KCNS3: variants seen among roughly 807,000 people sequenced by gnomAD.
KCNS3 encodes the protein delayed-rectifier potassium channel regulatory subunit KCNS3.
Under a neutral mutation model 31.0 loss-of-function variants are expected in KCNS3, and 13 were observed. The observed-to-expected ratio is 0.42, with a 90% confidence interval of 0.27 to 0.67. The LOEUF is 0.67. Among genes scored for constraint, KCNS3 ranks in the 30% least tolerant of loss-of-function variants. KCNS3 has a pLI of 0.25. For synonymous variants in KCNS3, 238 were observed against 241.5 expected (o/e 0.99, Z 0.13); for missense variants, 545 against 622.4 (o/e 0.88, Z 1.32).
chr2:17,916,569 C>G (rs905956665), intron 1 of KCNS3, among the ~76,000 whole-genome samples: 5 of 152,212 alleles, frequency 3.3e-5, no homozygotes, highest in African/African-American at 1.2e-4. Flanking sequence ...TACCCCTCTG[C>G]AAAGTCCAGA....
chr2:17,888,629 G>GTATATCTATATCTATA lies in KCNS3; in HGVS notation c.-252+9828_-252+9829insCTATATCTATATATAT, dbSNP rs35102585. Among the ~76,000 whole-genome samples, 88 of 92,358 alleles carry GTATATCTATATCTATA rather than the reference G, an allele frequency of 9.5e-4. 3 individuals carry two copies. Among genetic ancestry groups the GTATATCTATATCTATA allele is most frequent in the East Asian group, 8.6e-3 (16 of 1,854 alleles). 60.6% of individuals were successfully genotyped at this position (92,358 alleles called of 152,430 possible). A position where few individuals can be genotyped will look rare whatever the true frequency, so the allele number is the denominator to read the frequency against. ...GAACTTAAAGTATAATAAAAAAAATGTATATATATATATATATATATATAT... is the reference window on the plus strand; with the variant it reads ...GAACTTAAAGTATAATAAAAAAAATGTATATCTATATCTATATATATATATATATATATATATATAT... On this transcript the variant is annotated intron_variant, in intron 1 of 2. Coordinates refer to ENST00000304101, the MANE Select transcript of KCNS3 (RefSeq NM_002252.5).
chr2:17,890,399 AT>A (rs55788100), intron 1 of KCNS3, among the ~76,000 whole-genome samples: 30,924 of 148,474 alleles, frequency 0.21, 3,840 homozygotes, highest in Non-Finnish European at 0.3. Context: ...TATCTTTTGT[AT>A]TTTTTTTTTT....
intron 2 of KCNS3, 77 bp downstream of exon 2, chr2:17,917,948 G>T (rs1558457497): frequency 6.5e-6 from 1 of 152,674 alleles, no homozygotes; most frequent in Non-Finnish European, 1.5e-5. Context: ...GCGTTACAGT[G>T]TAGTGAGAAA....
At chr2:17,897,893 A>G (rs891440031) in intron 1 of KCNS3, among the ~76,000 whole-genome samples, 1 of 152,132 alleles carries the variant, frequency 6.6e-6, no homozygotes, top group Non-Finnish European at 1.5e-5. Flanking sequence ...ACTTCTAGAA[A>G]GAAAACCCAG....
intron 1 of KCNS3, among the ~76,000 whole-genome samples, chr2:17,900,079 A>G (rs1013342465): frequency 2.0e-5 from 3 of 152,184 alleles, no homozygotes; most frequent in African/African-American, 7.2e-5. Flanking sequence ...TAACTATTTG[A>G]AACCTCAATT....
intron 1 of KCNS3, among the ~76,000 whole-genome samples, chr2:17,910,432 C>G (rs1161877729): frequency 6.6e-6 from 1 of 152,132 alleles, no homozygotes; most frequent in Non-Finnish European, 1.5e-5. Flanking sequence ...CAAGGACCTC[C>G]TGAATTTCAA....
intron 1 of KCNS3, among the ~76,000 whole-genome samples, chr2:17,885,519 C>T (rs1409885623): frequency 1.3e-5 from 2 of 152,112 alleles, no homozygotes; most frequent in Non-Finnish European, 2.9e-5. Context: ...CCGGATGGGC[C>T]AGCAGGCTGG....
At chr2:17,909,098 G>A (rs1003846019) in intron 1 of KCNS3, among the ~76,000 whole-genome samples, 3 of 152,204 alleles carry the variant, frequency 2.0e-5, no homozygotes, top group Non-Finnish European at 2.9e-5. Flanking sequence ...AGCTGCAGTG[G>A]GCTCCACCCA....
chr2:17,911,402 A>G (rs1461704348), intron 1 of KCNS3, among the ~76,000 whole-genome samples: 1 of 152,198 alleles, frequency 6.6e-6, no homozygotes, highest in Non-Finnish European at 1.5e-5. Flanking sequence ...ATGTGAATCT[A>G]TAAGTTCATT....
In KCNS3 at chr2:17,884,267, AAATATATATATATATAT is replaced by A. The variant is rs1161017898; in HGVS notation, c.-252+5463_-252+5479del. Among the ~76,000 whole-genome samples the A allele has an allele frequency of 1.8e-4, 7 of 38,708 alleles. No individual in the cohort carries two copies. The East Asian group carries it at 4.4e-3, about 24-fold the overall frequency. 25.4% of individuals were successfully genotyped at this position (38,708 alleles called of 152,430 possible). On this transcript the variant is annotated intron_variant, in intron 1 of 2. Transcript: ENST00000304101. Reference sequence around the variant, plus strand: ...ACTTAAAGTATAATTAAAAAAAAAAAAATATATATATATATATATATATATATATATATATATTTAAA... The same window carrying A: ...ACTTAAAGTATAATTAAAAAAAAAAAATATATATATATATATATATTTAAA...
intron 1 of KCNS3, among the ~76,000 whole-genome samples, chr2:17,891,097 G>C (rs1380745794): frequency 6.6e-6 from 1 of 152,104 alleles, no homozygotes; most frequent in Non-Finnish European, 1.5e-5. Context: ...AAATTTGGGA[G>C]CTTCAGTGTT....
chr2:17,899,612 C>T (rs763457032), intron 1 of KCNS3, among the ~76,000 whole-genome samples: 3 of 152,138 alleles, frequency 2.0e-5, no homozygotes, highest in African/African-American at 7.2e-5. Context: ...TCAGTATCCT[C>T]GTTTGCAGAG....
chr2:17,904,936 A>G (rs1057332423), intron 1 of KCNS3, among the ~76,000 whole-genome samples: 1 of 152,120 alleles, frequency 6.6e-6, no homozygotes, highest in African/African-American at 2.4e-5. Flanking sequence ...TTGTCTTGGT[A>G]ATGCGGGCTC....
intron 2 of KCNS3, among the ~76,000 whole-genome samples, chr2:17,921,519 A>G (rs1298936569): frequency 2.6e-5 from 4 of 152,254 alleles, no homozygotes; most frequent in East Asian, 3.9e-4. Flanking sequence ...TCATTCTCAC[A>G]TTGCTATAAA....
At position 17,931,714 on chromosome 2, in the gene KCNS3, G is replaced by C. The variant is rs1461189297; in HGVS notation, c.706G>C (p.Glu236Gln). ...CGCGTGCATTGCCTGGTTCACCGGG[G>C]AGCTTGCCGTCCGGCTGGCTGCCGC... Reference protein sequence around the residue: ...EIACIAWFTGELAVRLAAAPC... With the variant: ...EIACIAWFTGQLAVRLAAAPC... The change falls in exon 3 of 3, where the codon GAG (glutamate) becomes CAG (glutamine). Residue 236 changes from glutamate to glutamine, a missense_variant. Coordinates refer to ENST00000304101, the MANE Select transcript of KCNS3 (RefSeq NM_002252.5). This position sits in a 1 kb window ranked among gnomAD's most constrained non-coding sequence, Gnocchi z 5.4. 6.2e-7 allele frequency: 1 copy of C among 1,613,554 alleles called. No homozygotes were observed. Among genetic ancestry groups the C allele is most frequent in the Non-Finnish European group, 8.5e-7 (1 of 1,179,820 alleles).
At position 17,911,293 on chromosome 2, in the gene KCNS3, G is replaced by A. The variant is rs917988344; in HGVS notation, c.-251-6387G>A. Among the ~76,000 whole-genome samples the A allele has an allele frequency of 9.9e-5, 15 of 152,084 alleles. 1 individual carries two copies. The highest frequency in any genetic ancestry group is 7.9e-4 in the Admixed American group (12 of 15,278). On this transcript the variant is annotated intron_variant, in intron 1 of 2. Transcript: ENST00000304101. ...AGATCCATGTTATCTTTTGTCCTTG[G>A]TAGTTCCCAGGATACTGCCTGTCAT...
At chr2:17,905,773 G>T (rs1402697752) in intron 1 of KCNS3, among the ~76,000 whole-genome samples, 2 of 152,138 alleles carry the variant, frequency 1.3e-5, no homozygotes, top group Non-Finnish European at 2.9e-5. Context: ...TTATTGATTT[G>T]CATATGTTGA....
intron 1 of KCNS3, among the ~76,000 whole-genome samples, chr2:17,907,024 C>G (rs1204134560): frequency 1.3e-5 from 2 of 152,118 alleles, no homozygotes; most frequent in Non-Finnish European, 2.9e-5. Context: ...TGTTAACTTT[C>G]TGTCTCGTTG....
At chr2:17,879,723 C>G (rs567616731) in intron 1 of KCNS3, among the ~76,000 whole-genome samples, 1 of 152,340 alleles carries the variant, frequency 6.6e-6, no homozygotes, top group South Asian at 2.1e-4. Flanking sequence ...AAAGGAGCAC[C>G]TTTTGCATTC....
Sources: allele counts gnomAD v4.1 joint callset (sites outside exome capture counted in the v4.1 genomes callset), GRCh38; gene constraint gnomAD v4.1.1; non-coding constraint Gnocchi (gnomAD v3.1); transcripts MANE v1.5; gene names NCBI Gene and HGNC (gene_info 2026-07-23, HGNC 2026-07-21).